Variants in LRFN2 observed in about 807,000 individuals in gnomAD.
LRFN2 encodes the protein leucine-rich repeat and fibronectin type-III domain-containing protein 2.
In LRFN2, 18 loss-of-function variants were observed where a neutral mutation model predicts 37.3. The observed-to-expected ratio is 0.48, with a 90% confidence interval of 0.33 to 0.72. LRFN2 has a LOEUF of 0.72. Ranked by LOEUF, LRFN2 falls within the 30% of genes least tolerant of loss-of-function variation. The pLI is 0.02. For synonymous variants in LRFN2, 556 were observed against 466.6 expected, an observed-to-expected ratio of 1.19 and a Z score of -2.47; for missense variants, 1,006 against 1,060.7, an observed-to-expected ratio of 0.95 and a Z score of 0.72.
At chr6:40,444,748 T>C (rs1287733480) in intron 1 of LRFN2, among the ~76,000 whole-genome samples, 3 of 152,144 alleles carry the variant, frequency 2.0e-5, no homozygotes, top group Non-Finnish European at 2.9e-5. Context: ...TTTGATTAAA[T>C]GTGGGCAAGG....
intron 1 of LRFN2, among the ~76,000 whole-genome samples, chr6:40,477,508 C>T (rs1450976410): frequency 2.0e-5 from 3 of 152,206 alleles, no homozygotes; most frequent in African/African-American, 7.2e-5. Context: ...AGTTATAAAT[C>T]AGGTTCTTTC....
chr6:40,443,251 G>A lies in LRFN2; in HGVS notation c.-18-10120C>T, dbSNP rs117449286. 1.1e-3 allele frequency among the ~76,000 whole-genome samples: 163 copies of A among 152,238 alleles called. 1 individual carries two copies. In the East Asian group the frequency reaches 0.023, roughly 22 times the overall value. ...AAACCAAGATACACAGAAACAAGAG[G>A]ACTTTTCAGCTGTGACTACCTTTAC... On this transcript the variant is annotated intron_variant, in intron 1 of 2. Transcript: ENST00000338305.
At chr6:40,477,231 G>A (rs1341616772) in intron 1 of LRFN2, among the ~76,000 whole-genome samples, 1 of 152,154 alleles carries the variant, frequency 6.6e-6, no homozygotes, top group Admixed American at 6.5e-5. Context: ...ACTCATGTTG[G>A]TGGTGGTTTT....
intron 1 of LRFN2, among the ~76,000 whole-genome samples, chr6:40,456,863 C>T (rs926003554): frequency 6.6e-6 from 1 of 152,120 alleles, no homozygotes; most frequent in Non-Finnish European, 1.5e-5. Flanking sequence ...TCAGAGGCAG[C>T]CCAACTCCCA....
intron 1 of LRFN2, among the ~76,000 whole-genome samples, chr6:40,483,314 G>A (rs1400083334): frequency 2.0e-5 from 3 of 152,196 alleles, no homozygotes; most frequent in Non-Finnish European, 4.4e-5. Flanking sequence ...GGGTTTCTTT[G>A]CCCTCCCTGC....
chr6:40,405,726 C>T (rs1160557358), intron 2 of LRFN2, among the ~76,000 whole-genome samples: 1 of 152,180 alleles, frequency 6.6e-6, no homozygotes, highest in African/African-American at 2.4e-5. Flanking sequence ...GTCCCCCCTC[C>T]AACCCCCCAT....
In LRFN2 at chr6:40,391,595, G is replaced by GA. The variant is rs748804651; in HGVS notation, c.*347dup. 36 of 196,678 alleles carry GA rather than the reference G, an allele frequency of 1.8e-4. No individual in the cohort carries two copies. In the East Asian group the frequency reaches 2.2e-3, roughly 12 times the overall value. 12.2% of individuals were successfully genotyped at this position (196,678 alleles called of 1,614,324 possible). Reference sequence around the variant, plus strand: ...ATGAAGAGGAGGAGTCTGGGAAATGGAAAAAAAATAAATTAAGAAATAAAA... The same window carrying GA: ...ATGAAGAGGAGGAGTCTGGGAAATGGAAAAAAAAATAAATTAAGAAATAAAA... On this transcript the variant is annotated 3_prime_UTR_variant, in exon 3 of 3. Coordinates refer to ENST00000338305, the MANE Select transcript of LRFN2 (RefSeq NM_020737.3).
At chr6:40,435,052 T>TAGAGAGAGAGAGAG (rs1202054790) in intron 1 of LRFN2, among the ~76,000 whole-genome samples, 8 of 37,542 alleles carry the variant, frequency 2.1e-4, no homozygotes, top group Non-Finnish European at 2.9e-4. Flanking sequence ...TATATATATA[T>TAGAGAGAGAGAGAG]AGAGAGAGAG....
chr6:40,465,919 A>T (rs934224043), intron 1 of LRFN2, among the ~76,000 whole-genome samples: 1 of 152,080 alleles, frequency 6.6e-6, no homozygotes, highest in Non-Finnish European at 1.5e-5. Context: ...GGAAAAGAAA[A>T]GGTTGTGGGG....
intron 2 of LRFN2, among the ~76,000 whole-genome samples, chr6:40,398,702 A>G (rs970032961): frequency 4.0e-5 from 6 of 151,816 alleles, no homozygotes; most frequent in Admixed American, 2.0e-4. Flanking sequence ...AAATTTAATT[A>G]AGCTCACACA....
chr6:40,411,442 G>C (rs930551816), intron 2 of LRFN2, among the ~76,000 whole-genome samples: 5 of 152,226 alleles, frequency 3.3e-5, no homozygotes, highest in African/African-American at 1.2e-4. Flanking sequence ...CAGGGAAAAG[G>C]ATTGACCTGA....
chr6:40,541,901 G>A (rs754519543), intron 1 of LRFN2, among the ~76,000 whole-genome samples: 7 of 152,110 alleles, frequency 4.6e-5, no homozygotes, highest in Admixed American at 1.3e-4. Flanking sequence ...TTATGCAAAC[G>A]CCTGCATCCA....
intron 1 of LRFN2, among the ~76,000 whole-genome samples, chr6:40,510,602 GT>G (rs1348974555): frequency 6.6e-6 from 1 of 152,260 alleles, no homozygotes; most frequent in Non-Finnish European, 1.5e-5. Context: ...GAGGAGTGGG[GT>G]GATAAGAGCT....
intron 1 of LRFN2, among the ~76,000 whole-genome samples, chr6:40,461,989 G>C (rs1764357907): frequency 6.6e-6 from 1 of 152,132 alleles, no homozygotes; most frequent in Non-Finnish European, 1.5e-5. Flanking sequence ...CACAAGTCTT[G>C]CTGGACCTCT....
intron 1 of LRFN2, among the ~76,000 whole-genome samples, chr6:40,565,918 CA>C (rs1165671419): frequency 1.3e-5 from 2 of 151,920 alleles, no homozygotes; most frequent in Non-Finnish European, 2.9e-5. Context: ...TTCTGCACAG[CA>C]AAAGAAACCA....
chr6:40,498,183 G>A (rs1165211650), intron 1 of LRFN2, among the ~76,000 whole-genome samples: 1 of 152,162 alleles, frequency 6.6e-6, no homozygotes, highest in Admixed American at 6.5e-5. Context: ...CTGAGTGGAG[G>A]GAAATGGCAT....
At chr6:40,480,023 A>G (rs1764791339) in intron 1 of LRFN2, among the ~76,000 whole-genome samples, 1 of 152,246 alleles carries the variant, frequency 6.6e-6, no homozygotes, top group Non-Finnish European at 1.5e-5. Flanking sequence ...ACGTCTTTAT[A>G]CGAAATCCTC....
chr6:40,517,208 T>A (rs1765904461), intron 1 of LRFN2: 1 of 152,104 alleles, frequency 6.6e-6, no homozygotes, highest in Non-Finnish European at 1.5e-5. Context: ...AATCCCAACC[T>A]ACATCCATTC....
chr6:40,487,305 A>G (rs917655800), intron 1 of LRFN2, among the ~76,000 whole-genome samples: 1 of 152,122 alleles, frequency 6.6e-6, no homozygotes, highest in Non-Finnish European at 1.5e-5. Flanking sequence ...ATTTATGCCA[A>G]TGAGCCCCAA....
Sources: gnomAD v4.1 joint callset for allele counts (sites outside exome capture counted in the v4.1 genomes callset) on GRCh38, gnomAD v4.1.1 for gene constraint, MANE v1.5 for transcripts, NCBI Gene and HGNC (gene_info 2026-07-23, HGNC 2026-07-21) for gene names.